The following GAS2 variants were observed in gnomAD, a reference collection of about 807,000 sequenced individuals.
GAS2 encodes the protein growth arrest specific 2, also known as growth arrest-specific protein 2.
GAS2 carries 20 observed loss-of-function variants against 37.5 expected under a neutral mutation model. That is an observed-to-expected ratio of 0.53 (90% CI 0.37 to 0.77). The LOEUF (loss-of-function observed/expected upper bound fraction) is 0.77, where lower values mean the gene tolerates loss of function less well. Among genes scored for constraint, GAS2 ranks in the 30% least tolerant of loss-of-function variants. The probability of loss-of-function intolerance (pLI) is 0.00; values close to 1 mark genes in which losing one functional copy is unlikely to be tolerated. For synonymous variants in GAS2, 144 were observed against 132.2 expected, an observed-to-expected ratio of 1.09 and a Z score of -0.61; for missense variants, 336 against 373.4, an observed-to-expected ratio of 0.90 and a Z score of 0.82.
In GAS2 at chr11:22,812,119, T is replaced by C. The variant is rs554865077; in HGVS notation, c.*103T>C. The C allele has an allele frequency of 2.0e-5, 16 of 804,594 alleles. No individual in the cohort carries two copies. The highest frequency in any genetic ancestry group is 1.6e-4 in the African/African-American group (9 of 57,620). The allele number at this position is 804,594 out of a possible 1,614,324, so 49.8% of individuals were successfully genotyped here. On this transcript the variant is annotated 3_prime_UTR_variant, in exon 8 of 8. Transcript: ENST00000454584. ...TTCTGAAAACTGTTTTGGAGAAAGA[T>C]AGACAGAAAAATGTCATCATATTGA...
chr11:22,776,294 AT>A (rs1490780014), intron 7 of GAS2, among the ~76,000 whole-genome samples: 1 of 152,128 alleles, frequency 6.6e-6, no homozygotes, highest in Non-Finnish European at 1.5e-5. Flanking sequence ...ACTCACTTCT[AT>A]TGTTTTAGCA....
chr11:22,642,387 T>C (rs1848640656), intron 1 of GAS2, among the ~76,000 whole-genome samples: 2 of 152,192 alleles, frequency 1.3e-5, no homozygotes, highest in South Asian at 2.1e-4. Context: ...GGGTGAAGCC[T>C]CTTTACCTCT....
chr11:22,761,757 C>A (rs902732636), intron 7 of GAS2, among the ~76,000 whole-genome samples: 1 of 152,054 alleles, frequency 6.6e-6, no homozygotes, highest in African/African-American at 2.4e-5. Context: ...TTGCCATTTC[C>A]ATTTTACAGA....
intron 7 of GAS2, among the ~76,000 whole-genome samples, chr11:22,764,191 A>T (rs1457937152): frequency 2.6e-5 from 4 of 152,200 alleles, no homozygotes; most frequent in African/African-American, 7.2e-5. Flanking sequence ...TTTTAAAAAA[A>T]TTTTAAAAAT....
intron 7 of GAS2, among the ~76,000 whole-genome samples, chr11:22,805,937 G>A (rs1232116514): frequency 1.3e-5 from 2 of 152,064 alleles, no homozygotes; most frequent in African/African-American, 2.4e-5. Context: ...CACTCTCATC[G>A]CCAGCTTGGT....
intron 2 of GAS2, among the ~76,000 whole-genome samples, chr11:22,680,072 G>A (rs150440087): frequency 3.3e-5 from 5 of 152,232 alleles, no homozygotes; most frequent in Admixed American, 6.5e-5. Context: ...GGTTGCTGCT[G>A]TCAAATACAG....
chr11:22,770,287 A>G (rs1247005441), intron 7 of GAS2, among the ~76,000 whole-genome samples: 2 of 152,200 alleles, frequency 1.3e-5, no homozygotes, highest in African/African-American at 4.8e-5. Flanking sequence ...CACTTTCTGC[A>G]CAGCTACCCT....
intron 7 of GAS2, among the ~76,000 whole-genome samples, chr11:22,798,089 G>A (rs1199866573): frequency 6.6e-6 from 1 of 152,036 alleles, no homozygotes; most frequent in African/African-American, 2.4e-5. Context: ...TTAGCTAGGT[G>A]ACCTTGGGCA....
chr11:22,681,320 A>C (rs1849674602), intron 2 of GAS2, among the ~76,000 whole-genome samples: 1 of 152,224 alleles, frequency 6.6e-6, no homozygotes, highest in Non-Finnish European at 1.5e-5. Flanking sequence ...AAATCCCACC[A>C]TTGAGCTATA....
chr11:22,715,845 TA>T (rs1259998495), intron 3 of GAS2, among the ~76,000 whole-genome samples: 2 of 151,914 alleles, frequency 1.3e-5, no homozygotes, highest in Admixed American at 1.3e-4. Context: ...ATCATTCTAT[TA>T]ATCAAGTATT....
intron 3 of GAS2, among the ~76,000 whole-genome samples, chr11:22,704,429 A>G (rs1850999561): frequency 6.6e-6 from 1 of 151,474 alleles, no homozygotes; most frequent in South Asian, 2.1e-4. Flanking sequence ...TATAAAGTAG[A>G]GAAGAGAGTA....
chr11:22,805,828 C>T (rs1342055712), intron 7 of GAS2, among the ~76,000 whole-genome samples: 1 of 152,126 alleles, frequency 6.6e-6, no homozygotes, highest in East Asian at 1.9e-4. Flanking sequence ...ATTCATGCCT[C>T]TCCCTTTTGG....
chr11:22,768,174 T>C (rs563982138), intron 7 of GAS2, among the ~76,000 whole-genome samples: 1 of 152,336 alleles, frequency 6.6e-6, no homozygotes, highest in South Asian at 2.1e-4. Flanking sequence ...TATGTAGGTT[T>C]TGGGAGGAAC....
chr11:22,694,239 A>T (rs1304679053), intron 3 of GAS2, among the ~76,000 whole-genome samples: 1 of 152,192 alleles, frequency 6.6e-6, no homozygotes, highest in Non-Finnish European at 1.5e-5. Context: ...AATAAACCAT[A>T]ATCAGATTTC....
At chr11:22,809,510 T>C (rs1210958746) in intron 7 of GAS2, among the ~76,000 whole-genome samples, 3 of 151,870 alleles carry the variant, frequency 2.0e-5, no homozygotes, top group East Asian at 1.9e-4. Flanking sequence ...TTATTTGAGA[T>C]GGAGTCTCAC....
chr11:22,736,385 A>G (rs1183022072), intron 4 of GAS2, among the ~76,000 whole-genome samples: 1 of 152,016 alleles, frequency 6.6e-6, no homozygotes, highest in East Asian at 1.9e-4. Flanking sequence ...CAGATTTTCC[A>G]TAATCGGCTA....
At chr11:22,691,007 A>G (rs1000682243) in intron 3 of GAS2, among the ~76,000 whole-genome samples, 3 of 151,558 alleles carry the variant, frequency 2.0e-5, no homozygotes. Context: ...CATTTGTCTC[A>G]TTTATTTTGA....
chr11:22,636,108 G>C (rs1461268769), intron 1 of GAS2, among the ~76,000 whole-genome samples: 3 of 152,124 alleles, frequency 2.0e-5, no homozygotes, highest in Non-Finnish European at 2.9e-5. Context: ...GTTTTTGTTT[G>C]TTTGTTTTTT....
At position 22,751,829 on chromosome 11, in the gene GAS2, A is replaced by G. The variant is rs140540843; in HGVS notation, c.615+2568A>G. Among the ~76,000 whole-genome samples the G allele has an allele frequency of 3.1e-3, 478 of 152,124 alleles. 12 individuals carry two copies. The highest frequency in any genetic ancestry group is 4.6e-3 in the Non-Finnish European group (311 of 67,950). The stretch of plus-strand genomic sequence containing the variant: ...CCAATACTCCAGTTCAGAAAAAGAG[A>G]GTGAAATAAAGATTTTCCATACAAT... On this transcript the variant is annotated intron_variant, in intron 6 of 7. Transcript: ENST00000454584.
Sources: gnomAD v4.1 joint callset for allele counts (sites outside exome capture counted in the v4.1 genomes callset) on GRCh38, gnomAD v4.1.1 for gene constraint, MANE v1.5 for transcripts, NCBI Gene and HGNC (gene_info 2026-07-23, HGNC 2026-07-21) for gene names.